Variants in RYR3 observed in about 807,000 individuals in gnomAD.
RYR3 encodes brain ryanodine receptor-calcium release channel.
A neutral mutation model predicts 584.3 loss-of-function variants in RYR3; 207 were observed. That is an observed-to-expected ratio of 0.35 (90% CI 0.32 to 0.40). The LOEUF (loss-of-function observed/expected upper bound fraction) is 0.40. Among genes scored for constraint, RYR3 ranks in the 10% least tolerant of loss-of-function variants. RYR3 has a pLI of 1.00. For missense variants in RYR3, 5,616 were observed against 6,089.2 expected, an observed-to-expected ratio of 0.92 and a Z score of 2.59; for synonymous variants, 2,416 against 2,248.5, an observed-to-expected ratio of 1.07 and a Z score of -2.11.
At chr15:33,665,042 G>A (rs2063418059) in intron 36 of RYR3, among the ~76,000 whole-genome samples, 1 of 152,160 alleles carries the variant, frequency 6.6e-6, no homozygotes, top group Non-Finnish European at 1.5e-5. Context: ...ATGCACAAGT[G>A]TGCTATTTTT....
rs144897012 is a variant in RYR3 at position 33,366,891 on chromosome 15, C to G, written c.51+55795C>G. On this transcript the variant is annotated intron_variant, in intron 1 of 103. Coordinates refer to ENST00000634891, the MANE Select transcript of RYR3 (RefSeq NM_001036.6). ...TGAGCCCAACAAAAGGAAGGATTTT[C>G]TAACAGCTAAGATGGAATACCACAC... Among the ~76,000 whole-genome samples, 185 of 152,274 alleles carry G rather than the reference C, an allele frequency of 1.2e-3. 1 individual carries two copies. The highest frequency in any genetic ancestry group is 4.3e-3 in the African/African-American group (177 of 41,552).
chr15:33,383,423 G>A (rs891856473), intron 1 of RYR3, among the ~76,000 whole-genome samples: 1 of 151,454 alleles, frequency 6.6e-6, no homozygotes, highest in African/African-American at 2.4e-5. Flanking sequence ...ATCCCTGTTG[G>A]CATCTTCCGG....
chr15:33,331,950 T>C (rs1331745500), intron 1 of RYR3, among the ~76,000 whole-genome samples: 1 of 151,992 alleles, frequency 6.6e-6, no homozygotes, highest in Non-Finnish European at 1.5e-5. Flanking sequence ...TTTATCATTG[T>C]AGGAGGGTAA....
Position 33,724,102 on chromosome 15 carries a change from C to T in RYR3, c.6838C>T (p.His2280Tyr). 1 of 1,612,598 alleles carries T rather than the reference C, an allele frequency of 6.2e-7. No individual in the cohort carries two copies. The highest frequency in any genetic ancestry group is 8.5e-7 in the Non-Finnish European group (1 of 1,178,702). The change falls in exon 45 of 104, where the codon CAT becomes TAT. Residue 2280 changes from histidine (H) to tyrosine (Y), a missense_variant. His to Tyr is a moderately conservative substitution (Grantham distance 83, BLOSUM62 2). Transcript: ENST00000634891. The part of the protein sequence containing the change: ...GDDEEEEEIV[H>Y]MGNAIMSFYS... Reference sequence around the variant, plus strand: ...CGATGAAGAGGAAGAAGAAATCGTGCATATGGGCAATGCAATTATGTCATT... The same window carrying T: ...CGATGAAGAGGAAGAAGAAATCGTGTATATGGGCAATGCAATTATGTCATT...
chr15:33,809,127 C>G (rs993432396), intron 70 of RYR3, among the ~76,000 whole-genome samples: 1 of 152,204 alleles, frequency 6.6e-6, no homozygotes, highest in Non-Finnish European at 1.5e-5. Flanking sequence ...ACTGTTAATT[C>G]TGACCCTACT....
chr15:33,850,448 C>T (rs1197951290), intron 94 of RYR3: 1 of 150,114 alleles, frequency 6.7e-6, no homozygotes, highest in East Asian at 1.9e-4. Flanking sequence ...GACAAGTACA[C>T]TAAAATGTCC....
intron 92 of RYR3, 54 bp from the exon 93 acceptor site, chr15:33,844,808 C>A (rs2078610585): frequency 1.4e-6 from 2 of 1,475,356 alleles, no homozygotes; most frequent in Non-Finnish European, 1.9e-6. Flanking sequence ...GGGGAGAGCC[C>A]AATGGCTGAG....
chr15:33,372,358 ATTTT>A (rs59663566), intron 1 of RYR3, among the ~76,000 whole-genome samples: 2 of 75,546 alleles, frequency 2.6e-5, no homozygotes, highest in East Asian at 3.7e-4. Context: ...TGCCCGGCTA[ATTTT>A]TTTTTTTTTT....
intron 62 of RYR3, among the ~76,000 whole-genome samples, chr15:33,770,279 A>G (rs2152885730): frequency 6.6e-6 from 1 of 152,354 alleles, no homozygotes; most frequent in East Asian, 1.9e-4. Flanking sequence ...GCTATAAAAA[A>G]GGAGGAGAAT....
chr15:33,734,065 A>G (rs368248409), intron 48 of RYR3, among the ~76,000 whole-genome samples: 7 of 152,290 alleles, frequency 4.6e-5, no homozygotes, highest in African/African-American at 1.7e-4. Context: ...TGCTTTATGG[A>G]ACAAGCTGTG....
intron 100 of RYR3, among the ~76,000 whole-genome samples, chr15:33,860,231 G>C (rs1277024481): frequency 6.6e-6 from 1 of 152,224 alleles, no homozygotes; most frequent in Non-Finnish European, 1.5e-5. Flanking sequence ...TGAAGTAACT[G>C]AGGAGGAACC....
intron 38 of RYR3, among the ~76,000 whole-genome samples, chr15:33,673,367 C>T (rs894046274): frequency 2.3e-4 from 35 of 152,342 alleles, no homozygotes; most frequent in African/African-American, 7.9e-4. Flanking sequence ...TGTCCTGAAA[C>T]TCACATTCTG....
Position 33,544,416 on chromosome 15 carries a change from T to C in RYR3, c.740+701T>C, listed in dbSNP as rs905016347. 3.3e-5 allele frequency among the ~76,000 whole-genome samples: 5 copies of C among 152,270 alleles called. No individual in the cohort carries two copies. In the South Asian group the frequency reaches 6.2e-4, roughly 19 times the overall value. Reference sequence around the variant, plus strand: ...AGCAGTGAGTCTGATCCGGTGATCATGTTTTCTTTTCCTTTTGTGTAATGC... The same window carrying C: ...AGCAGTGAGTCTGATCCGGTGATCACGTTTTCTTTTCCTTTTGTGTAATGC... On this transcript the variant is annotated intron_variant, in intron 8 of 103. Coordinates refer to ENST00000634891, the MANE Select transcript of RYR3 (RefSeq NM_001036.6).
intron 17 of RYR3, among the ~76,000 whole-genome samples, chr15:33,602,463 C>G (rs532270729): frequency 1.1e-4 from 17 of 152,196 alleles, no homozygotes; most frequent in African/African-American, 4.1e-4. Context: ...GGTAACAAAG[C>G]TGCTATACTG....
Position 33,844,878 on chromosome 15 carries a change from T to C in RYR3, c.13313T>C (p.Leu4438Ser). 5 of 1,613,772 alleles carry C rather than the reference T, an allele frequency of 3.1e-6. No individual in the cohort carries two copies. The highest frequency in any genetic ancestry group is 4.2e-6 in the Non-Finnish European group (5 of 1,179,750). Residue 4438 changes from leucine to serine, a missense_variant, in exon 93 of 104, where the codon TTA becomes TCA. This residue lies in a region of RYR3 where 918 missense variants were observed against 887.4 expected (regional missense o/e 1.03). Coordinates refer to ENST00000634891, the MANE Select transcript of RYR3 (RefSeq NM_001036.6). ...TTGAGCCAGGTCACTGAAGAACCTTTAGAAGAAGAGACAGAGGATGTTGCA... is the reference window on the plus strand; with the variant it reads ...TTGAGCCAGGTCACTGAAGAACCTTCAGAAGAAGAGACAGAGGATGTTGCA... The part of the protein sequence containing the change: ...LLFYKVTEEP[L>S]EEETEDVANL...
At chr15:33,532,752 C>T (rs956062184) in intron 4 of RYR3, among the ~76,000 whole-genome samples, 2 of 152,138 alleles carry the variant, frequency 1.3e-5, no homozygotes, top group Non-Finnish European at 2.9e-5. Flanking sequence ...ATTTCTATAA[C>T]ATATAGTTCT....
intron 100 of RYR3, 32 bp downstream of exon 100, chr15:33,859,763 G>A (rs2153013704): frequency 6.3e-7 from 1 of 1,579,526 alleles, no homozygotes; most frequent in Non-Finnish European, 8.6e-7. Flanking sequence ...AGTATGAACA[G>A]GGTTTAATCT....
At chr15:33,509,165 T>C (rs982933524) in intron 3 of RYR3, among the ~76,000 whole-genome samples, 2 of 152,242 alleles carry the variant, frequency 1.3e-5, no homozygotes, top group Non-Finnish European at 2.9e-5. Context: ...GCTGTGACAC[T>C]GCTAGCTGAT....
intron 1 of RYR3, among the ~76,000 whole-genome samples, chr15:33,324,837 A>G (rs1969469956): frequency 6.6e-6 from 1 of 151,964 alleles, no homozygotes. Flanking sequence ...AAAGTTAAAA[A>G]CCCAACCGCA....
Sources: gnomAD v4.1 joint callset for allele counts (sites outside exome capture counted in the v4.1 genomes callset) on GRCh38, gnomAD v4.1.1 for gene constraint, gnomAD v4.1.1 regional missense constraint, MANE v1.5 for transcripts, NCBI Gene and HGNC (gene_info 2026-07-23, HGNC 2026-07-21) for gene names.